CAMSAP3: variants seen among roughly 807,000 people sequenced by gnomAD.
The protein encoded by CAMSAP3 is calmodulin-regulated spectrin-associated protein 3.
In CAMSAP3, 34 loss-of-function variants were observed where a neutral mutation model predicts 112.5. The observed-to-expected ratio is 0.30, with a 90% CI of 0.23 to 0.40. CAMSAP3 has a LOEUF of 0.40. Among genes scored for constraint, CAMSAP3 ranks in the 10% least tolerant of loss-of-function variants. The probability of loss-of-function intolerance (pLI) is 1.00; values close to 1 mark genes in which losing one functional copy is unlikely to be tolerated. For missense variants in CAMSAP3, 1,602 were observed against 1,770.3 expected, an observed-to-expected ratio of 0.90 and a Z score of 1.71; for synonymous variants, 868 against 799.8, an observed-to-expected ratio of 1.09 and a Z score of -1.44.
intron 1 of CAMSAP3, among the ~76,000 whole-genome samples, chr19:7,597,299 CCCACTCTGG>C (rs1232815963): frequency 2.6e-5 from 4 of 152,228 alleles, no homozygotes; most frequent in Non-Finnish European, 4.4e-5. Flanking sequence ...GCATGCATTT[CCCACTCTGG>C]GGTCTACCTC....
intron 11 of CAMSAP3, among the ~76,000 whole-genome samples, chr19:7,613,435 CCTGT>C (rs1467837416): frequency 6.7e-6 from 1 of 150,010 alleles, no homozygotes; most frequent in Admixed American, 6.6e-5. Flanking sequence ...GGGATTTGAC[CCTGT>C]CTGTTGGGTA....
At chr19:7,604,213 G>A (rs901065999) in intron 1 of CAMSAP3, among the ~76,000 whole-genome samples, 3 of 151,940 alleles carry the variant, frequency 2.0e-5, no homozygotes, top group Non-Finnish European at 2.9e-5. Flanking sequence ...CCTCTTCCCC[G>A]ACCCCTGCCA....
chr19:7,615,185 T>C lies in CAMSAP3; in HGVS notation c.2673T>C (p.Asp891=). The C allele has an allele frequency of 6.4e-7, 1 of 1,554,544 alleles. No homozygotes were observed. Among genetic ancestry groups the C allele is most frequent in the Non-Finnish European group, 8.7e-7 (1 of 1,149,462 alleles). ...PRVGLGFFYK[D]EDKPEDEMAQ... The stretch of plus-strand genomic sequence containing the variant: ...CTGGACTCGGCGTCTGTCCCCAGGA[T>C]GAAGACAAGCCTGAGGACGAGATGG... Residue 891 remains aspartate (D), a splice_region_variant and synonymous_variant, in exon 12 of 17, where the codon GAT becomes GAC. Transcript: ENST00000160298. The surrounding 1 kb of genome is among the most constrained non-coding windows in gnomAD (Gnocchi z 6.5).
chr19:7,610,947 T>C lies in CAMSAP3; in HGVS notation c.1049+16T>C. 1 of 1,577,954 alleles carries C rather than the reference T, an allele frequency of 6.3e-7. No homozygotes were observed. Among genetic ancestry groups the C allele is most frequent in the South Asian group, 1.2e-5 (1 of 85,122 alleles). ...GCGGCAGTAGGTACGCTCCCCACAC[T>C]GGGCGAGTCTCTGGCATTGTGGGTG... On this transcript the variant is annotated intron_variant, in intron 8 of 16. Coordinates refer to ENST00000160298, the MANE Select transcript of CAMSAP3 (RefSeq NM_020902.2). This position sits in a 1 kb window ranked among gnomAD's most constrained non-coding sequence, Gnocchi z 4.9.
At chr19:7,601,919 C>G (rs1221985757) in intron 1 of CAMSAP3, among the ~76,000 whole-genome samples, 1 of 151,700 alleles carries the variant, frequency 6.6e-6, no homozygotes, top group African/African-American at 2.4e-5. Context: ...CAAAAAGTAG[C>G]CGGGCATGGT....
At position 7,617,164 on chromosome 19, in the gene CAMSAP3, G is replaced by C. The variant is rs138029378; in HGVS notation, c.3213-162G>C. On this transcript the variant is annotated intron_variant, in intron 14 of 16. Transcript: ENST00000160298. The surrounding 1 kb of genome is among the most constrained non-coding windows in gnomAD (Gnocchi z 7.5). ...ACTCCCGACCTCAAGTGATCTGCCCGCTTTGGCCTCCCGAAGTGCTGGGAT... is the reference window on the plus strand; with the variant it reads ...ACTCCCGACCTCAAGTGATCTGCCCCCTTTGGCCTCCCGAAGTGCTGGGAT... Among the ~76,000 whole-genome samples, 1 of 151,932 alleles carries C rather than the reference G, an allele frequency of 6.6e-6. No homozygotes were observed. Among genetic ancestry groups the C allele is most frequent in the East Asian group, 1.9e-4 (1 of 5,168 alleles).
Position 7,615,915 on chromosome 19 carries a change from C to T in CAMSAP3, c.3112+196C>T, listed in dbSNP as rs1234276661. On this transcript the variant is annotated intron_variant, in intron 13 of 16. Coordinates refer to ENST00000160298, the MANE Select transcript of CAMSAP3 (RefSeq NM_020902.2). The surrounding 1 kb of genome is among the most constrained non-coding windows in gnomAD (Gnocchi z 6.5). ...GTAAAGACTTCCATAGGGGGCCGGG[C>T]GCGGTGGCTCACGCCTGTAATCCCA... Among the ~76,000 whole-genome samples the T allele has an allele frequency of 6.6e-6, 1 of 151,924 alleles. No homozygotes were observed. The highest frequency in any genetic ancestry group is 1.5e-5 in the Non-Finnish European group (1 of 67,960).
chr19:7,606,152 C>CCCCG, intron 2 of CAMSAP3, 119 bp from the exon 3 acceptor site: 1 of 328,324 alleles, frequency 3.0e-6, no homozygotes, highest in Non-Finnish European at 5.3e-6. Context: ...CCCCCTCAAG[C>CCCCG]CCCACCCCCC....
At chr19:7,604,879 C>A (rs1204398099) in intron 1 of CAMSAP3, among the ~76,000 whole-genome samples, 3 of 152,138 alleles carry the variant, frequency 2.0e-5, no homozygotes, top group Non-Finnish European at 4.4e-5. Flanking sequence ...ATGTTATTGT[C>A]TTTCCTGGGA....
chr19:7,596,484 G>A (rs1469328475), intron 1 of CAMSAP3, among the ~76,000 whole-genome samples: 1 of 151,970 alleles, frequency 6.6e-6, no homozygotes, highest in East Asian at 1.9e-4. Flanking sequence ...TCTCGTTCCC[G>A]CCTCCCGCAC....
At position 7,615,282 on chromosome 19, in the gene CAMSAP3, C is replaced by G; in HGVS notation, c.2770C>G (p.Gln924Glu). 6.5e-7 allele frequency: 1 copy of G among 1,549,192 alleles called. No individual in the cohort carries two copies. Among genetic ancestry groups the G allele is most frequent in the South Asian group, 1.2e-5 (1 of 83,996 alleles). Residue 924 changes from glutamine to glutamate, a missense_variant, in exon 12 of 17, where the codon CAG becomes GAG. Physicochemically the swap from Gln to Glu is conservative, Grantham distance 29. Coordinates refer to ENST00000160298, the MANE Select transcript of CAMSAP3 (RefSeq NM_020902.2). This position sits in a 1 kb window ranked among gnomAD's most constrained non-coding sequence, Gnocchi z 6.5. ...GGAGGCGCGGCGGCGCAAGCAGTGG[C>G]AGGAGGTGGAGAAGGAACAGCGGAG... The part of the protein sequence containing the change: ...AEEARRRKQW[Q>E]EVEKEQRREE...
At position 7,605,495 on chromosome 19, in the gene CAMSAP3, G is replaced by T; in HGVS notation, c.402+16G>T. 1 of 1,451,664 alleles carries T rather than the reference G, an allele frequency of 6.9e-7. No individual in the cohort carries two copies. The highest frequency in any genetic ancestry group is 2.6e-5 in the East Asian group (1 of 38,338). The allele number at this position is 1,451,664 out of a possible 1,614,324, so 89.9% of individuals were successfully genotyped here. A position where few individuals can be genotyped will look rare whatever the true frequency, so the allele number is the denominator to read the frequency against. Reference sequence around the variant, plus strand: ...CATTCTCATGGTAGGCCCCGCCACTGCCTGTTAGACCACGCCTACCATGCT... The same window carrying T: ...CATTCTCATGGTAGGCCCCGCCACTTCCTGTTAGACCACGCCTACCATGCT... On this transcript the variant is annotated intron_variant, in intron 2 of 16. Transcript: ENST00000160298.
chr19:7,609,181 G>A (rs969952688), intron 5 of CAMSAP3, among the ~76,000 whole-genome samples: 1 of 151,762 alleles, frequency 6.6e-6, no homozygotes, highest in Admixed American at 6.6e-5. Context: ...AGCCGGGTGC[G>A]GTGGCGGGCG....
Position 7,612,375 on chromosome 19 carries a change from C to T in CAMSAP3, c.1882C>T (p.His628Tyr), listed in dbSNP as rs145760491. The T allele has an allele frequency of 1.3e-6, 2 of 1,599,886 alleles. No individual in the cohort carries two copies. The highest frequency in any genetic ancestry group is 1.7e-6 in the Non-Finnish European group (2 of 1,176,122). The change falls in exon 11 of 17, where the codon CAC (histidine) becomes TAC (tyrosine). Residue 628 changes from histidine (H) to tyrosine (Y), a missense_variant. This residue lies in a region of CAMSAP3 where 1,100 missense variants were observed against 1,135.7 expected (regional missense o/e 0.97). Coordinates refer to ENST00000160298, the MANE Select transcript of CAMSAP3 (RefSeq NM_020902.2). The part of the protein sequence containing the change: ...KRRIEAIFAK[H>Y]RQRLGKSAFL... ...ACGGATTGAGGCCATATTCGCCAAG[C>T]ACCGCCAGCGGCTGGGCAAAAGCGC...
Position 7,612,107 on chromosome 19 carries a change from G to A in CAMSAP3, c.1614G>A (p.Ser538=). Residue 538 remains serine, a synonymous_variant, in exon 11 of 17, where the codon TCG becomes TCA. Coordinates refer to ENST00000160298, the MANE Select transcript of CAMSAP3 (RefSeq NM_020902.2). ...CTCCCTGTCTGGTGGGGGAGGCATC[G>A]AAACCGCCAGCCCCATCCGAGGGGT... is the stretch of plus-strand genomic sequence containing the variant. ...KPSPCLVGEA[S]KPPAPSEGSP... The A allele has an allele frequency of 1.9e-6, 3 of 1,610,252 alleles. No homozygotes were observed. The highest frequency in any genetic ancestry group is 2.2e-5 in the South Asian group (2 of 91,040).
At chr19:7,603,096 G>T (rs972593141) in intron 1 of CAMSAP3, among the ~76,000 whole-genome samples, 1 of 152,218 alleles carries the variant, frequency 6.6e-6, no homozygotes, top group African/African-American at 2.4e-5. Context: ...GCCAGGACAG[G>T]GAGGGACAGA....
At position 7,611,846 on chromosome 19, in the gene CAMSAP3, G is replaced by A. The variant is rs762086491; in HGVS notation, c.1353G>A (p.Pro451=). 2.1e-5 allele frequency: 32 copies of A among 1,555,374 alleles called. No homozygotes were observed. The highest frequency in any genetic ancestry group is 5.9e-5 in the South Asian group (5 of 84,804). Residue 451 remains proline (P), a synonymous_variant, in exon 11 of 17, where the codon CCG becomes CCA. Transcript: ENST00000160298. This position sits in a 1 kb window ranked among gnomAD's most constrained non-coding sequence, Gnocchi z 6.9. ...CCAGGACCCCCACCCAGCCACCCCC[G>A]GAGCCTGGTGACCTGCCCACCATCG... The part of the protein sequence containing the change: ...APARTPTQPP[P]EPGDLPTIEE...
At position 7,611,505 on chromosome 19, in the gene CAMSAP3, C is replaced by G. The variant is rs752429182; in HGVS notation, c.1124-12C>G. On this transcript the variant is annotated splice_polypyrimidine_tract_variant and intron_variant, in intron 9 of 16. Coordinates refer to ENST00000160298, the MANE Select transcript of CAMSAP3 (RefSeq NM_020902.2). This position sits in a 1 kb window ranked among gnomAD's most constrained non-coding sequence, Gnocchi z 6.9. ...CAGGGTCCCCATAGTGACCACTCATCGCCTCCCCCAGGCTCCCTGAAGTCT... is the reference window on the plus strand; with the variant it reads ...CAGGGTCCCCATAGTGACCACTCATGGCCTCCCCCAGGCTCCCTGAAGTCT... 3.1e-6 allele frequency: 5 copies of G among 1,602,516 alleles called. No homozygotes were observed. The highest frequency in any genetic ancestry group is 2.2e-5 in the South Asian group (2 of 89,684).
In CAMSAP3 at chr19:7,618,274, C is replaced by A. The variant is rs2030920584; in HGVS notation, c.*217C>A. On this transcript the variant is annotated 3_prime_UTR_variant, in exon 17 of 17. Coordinates refer to ENST00000160298, the MANE Select transcript of CAMSAP3 (RefSeq NM_020902.2). ...GCTCAGTCCCCTTGTCTGTCCTCCC[C>A]CACTTCTTGAATAAAATAATTTAAA... is the stretch of plus-strand genomic sequence containing the variant. 1 of 560,424 alleles carries A rather than the reference C, an allele frequency of 1.8e-6. No individual in the cohort carries two copies. The highest frequency in any genetic ancestry group is 2.6e-5 in the South Asian group (1 of 39,004). The allele number at this position is 560,424 out of a possible 1,614,324, so 34.7% of individuals were successfully genotyped here.
Sources: gnomAD v4.1 joint callset for allele counts (sites outside exome capture counted in the v4.1 genomes callset) on GRCh38, gnomAD v4.1.1 for gene constraint, gnomAD v4.1.1 regional missense constraint, Gnocchi (gnomAD v3.1) non-coding constraint, MANE v1.5 for transcripts, NCBI Gene and HGNC (gene_info 2026-07-23, HGNC 2026-07-21) for gene names.